SNAP47: variants seen among roughly 807,000 people sequenced by gnomAD.
SNAP47 encodes the protein synaptosomal-associated protein 47.
Under a neutral mutation model 31.4 loss-of-function variants are expected in SNAP47, and 20 were observed. The observed-to-expected ratio is 0.64, with a 90% CI of 0.45 to 0.93. The LOEUF (loss-of-function observed/expected upper bound fraction) is 0.93. Ranked by LOEUF, SNAP47 falls within the 40% of genes least tolerant of loss-of-function variation. The probability of loss-of-function intolerance (pLI) is 0.00; values close to 1 mark genes in which losing one functional copy is unlikely to be tolerated. For missense variants in SNAP47, 492 were observed against 528.5 expected (o/e 0.93, Z 0.68); for synonymous variants, 194 against 213.4 (o/e 0.91, Z 0.79).
At chr1:227,771,226 T>TG (rs1663782612) in intron 4 of SNAP47, among the ~76,000 whole-genome samples, 1 of 152,148 alleles carries the variant, frequency 6.6e-6, no homozygotes, top group African/African-American at 2.4e-5. Context: ...GTCAATATTT[T>TG]GGGGGGCTGT....
chr1:227,753,242 A>C (rs1662490682), intron 2 of SNAP47, among the ~76,000 whole-genome samples: 1 of 152,056 alleles, frequency 6.6e-6, no homozygotes, highest in Non-Finnish European at 1.5e-5. Context: ...TACTGGTTTT[A>C]TTTCCTTTGG....
At chr1:227,760,557 G>A (rs1193721843) in intron 3 of SNAP47, among the ~76,000 whole-genome samples, 3 of 152,220 alleles carry the variant, frequency 2.0e-5, no homozygotes, top group Admixed American at 6.5e-5. Context: ...CGTCCACCAC[G>A]TTTGGCCTAC....
chr1:227,752,499 A>G (rs1217255748), intron 2 of SNAP47, among the ~76,000 whole-genome samples: 1 of 150,932 alleles, frequency 6.6e-6, no homozygotes, highest in African/African-American at 2.4e-5. Flanking sequence ...TTTTCTCTCT[A>G]TCTGGTGCCT....
upstream of SNAP47, chr1:227,732,402 G>A (rs3087908): frequency 0.18 from 284,969 of 1,612,136 alleles, 25,854 homozygotes; most frequent in East Asian, 0.24. Context: ...CTATGGGGCC[G>A]CAGCAGCATC....
upstream of SNAP47, chr1:227,735,172 C>T: frequency 1.9e-6 from 3 of 1,580,480 alleles, no homozygotes; most frequent in Non-Finnish European, 2.6e-6. Flanking sequence ...CGCCCGGCTC[C>T]GAGACGAAGG....
chr1:227,765,580 G>C (rs142588977), intron 3 of SNAP47, among the ~76,000 whole-genome samples: 133 of 152,336 alleles, frequency 8.7e-4, no homozygotes, highest in Admixed American at 2.5e-3. Context: ...TACAGCTTGG[G>C]TGTTGCAAAC....
At chr1:227,749,978 C>T (rs536538024) in intron 2 of SNAP47, among the ~76,000 whole-genome samples, 1 of 152,272 alleles carries the variant, frequency 6.6e-6, no homozygotes, top group Non-Finnish European at 1.5e-5. Context: ...CTAGCACCCA[C>T]AGCTGCAGTG....
At position 227,780,788 on chromosome 1, in the gene SNAP47, G is replaced by T. The variant is rs2103010676; in HGVS notation, c.*115G>T. ...GGCCCTCCGGAGTGGTCTTCCTCTG[G>T]ATGGGGCTGCTACTGTGGGGCTGCT... On this transcript the variant is annotated 3_prime_UTR_variant, in exon 5 of 5. Coordinates refer to ENST00000617596, the MANE Select transcript of SNAP47 (RefSeq NM_053052.4). 2 of 1,431,006 alleles carry T rather than the reference G, an allele frequency of 1.4e-6. No homozygotes were observed. Among genetic ancestry groups the T allele is most frequent in the East Asian group, 2.4e-5 (1 of 41,824 alleles). The allele number at this position is 1,431,006 out of a possible 1,614,324, so 88.6% of individuals were successfully genotyped here. A position where few individuals can be genotyped will look rare whatever the true frequency, so the allele number is the denominator to read the frequency against.
chr1:227,765,078 C>G (rs1413353131), intron 3 of SNAP47, among the ~76,000 whole-genome samples: 5 of 152,170 alleles, frequency 3.3e-5, no homozygotes, highest in African/African-American at 1.2e-4. Flanking sequence ...ACATTGTAGC[C>G]AAGGAATTGC....
chr1:227,733,947 C>A (rs747188892), upstream of SNAP47: 3 of 1,613,838 alleles, frequency 1.9e-6, no homozygotes, highest in African/African-American at 4.0e-5. Flanking sequence ...CGGTAGTCAT[C>A]CACATCCAGT....
At chr1:227,734,506 A>G (rs1321684662), upstream of SNAP47, 2 of 698,224 alleles carry the variant, frequency 2.9e-6, no homozygotes. Flanking sequence ...GCGGAAGACA[A>G]TCCAGTTTCT....
rs74653444 is a variant in SNAP47 at position 227,757,598 on chromosome 1, C to T, written c.498-1397C>T. ...TCTTGCTGAGGTCATATAATGTCTT[C>T]CCATTGATGTATGGGATACTGAAGC... On this transcript the variant is annotated intron_variant, in intron 2 of 4. Transcript: ENST00000617596. Among the ~76,000 whole-genome samples, 616 of 152,288 alleles carry T rather than the reference C, an allele frequency of 4.0e-3. 7 individuals are homozygous for T. Among genetic ancestry groups the T allele is most frequent in the African/African-American group, 0.014 (585 of 41,548 alleles).
intron 4 of SNAP47, among the ~76,000 whole-genome samples, chr1:227,770,925 G>A (rs1343111727): frequency 6.6e-6 from 1 of 152,262 alleles, no homozygotes; most frequent in Admixed American, 6.5e-5. Flanking sequence ...CCTGACACAA[G>A]TGTCGCTCTC....
At chr1:227,749,578 C>T (rs1034371224) in intron 2 of SNAP47, among the ~76,000 whole-genome samples, 37 of 152,214 alleles carry the variant, frequency 2.4e-4, no homozygotes, top group Non-Finnish European at 4.4e-5. Context: ...CCGCTGCTGG[C>T]ATACTATCCA....
chr1:227,770,749 G>A (rs1218760856), intron 4 of SNAP47: 1 of 153,922 alleles, frequency 6.5e-6, no homozygotes, highest in African/African-American at 2.4e-5. Flanking sequence ...TATTCACAGA[G>A]TGTCTCCCTA....
intron 2 of SNAP47, among the ~76,000 whole-genome samples, chr1:227,758,347 C>T (rs751829087): frequency 3.3e-5 from 5 of 152,240 alleles, no homozygotes; most frequent in Non-Finnish European, 5.9e-5. Flanking sequence ...CCGGGTTCTC[C>T]TCAGCTTCTG....
chr1:227,777,999 A>G (rs995914232), intron 4 of SNAP47, among the ~76,000 whole-genome samples: 1 of 152,262 alleles, frequency 6.6e-6, no homozygotes, highest in African/African-American at 2.4e-5. Context: ...TGCATATCCA[A>G]TAACTCAGCT....
At chr1:227,735,035 A>G, upstream of SNAP47, 2 of 1,553,404 alleles carry the variant, frequency 1.3e-6, no homozygotes, top group Non-Finnish European at 1.7e-6. Context: ...CAGGTGGTCG[A>G]AGTCGGGCCT....
intron 4 of SNAP47, chr1:227,776,964 A>G (rs1664196825): frequency 3.0e-6 from 3 of 985,444 alleles, no homozygotes; most frequent in East Asian, 1.1e-4. Context: ...TTCCGCTTCT[A>G]TAGGCAGATC....
Sources: gnomAD v4.1 joint callset for allele counts (sites outside exome capture counted in the v4.1 genomes callset) on GRCh38, gnomAD v4.1.1 for gene constraint, MANE v1.5 for transcripts, NCBI Gene and HGNC (gene_info 2026-07-23, HGNC 2026-07-21) for gene names.